RGL1: variants seen among roughly 807,000 people sequenced by gnomAD.
RGL1 encodes the protein ral guanine nucleotide dissociation stimulator-like 1.
Under a neutral mutation model 95.2 loss-of-function variants are expected in RGL1, and 24 were observed. The ratio of observed to expected loss-of-function variants is 0.25; its 90% CI spans 0.18 to 0.35. RGL1 has a LOEUF of 0.35. Ranked by LOEUF, RGL1 falls within the 10% of genes least tolerant of loss-of-function variation. The probability of loss-of-function intolerance (pLI) is 1.00; values close to 1 mark genes in which losing one functional copy is unlikely to be tolerated. For synonymous variants in RGL1, 329 were observed against 344.9 expected (o/e 0.95, Z 0.51); for missense variants, 715 against 936.3 (o/e 0.76, Z 3.08).
upstream of RGL1, among the ~76,000 whole-genome samples, chr1:183,804,004 T>C (rs1416855740): frequency 6.6e-6 from 1 of 152,262 alleles, no homozygotes; most frequent in Non-Finnish European, 1.5e-5. Flanking sequence ...GGGGATAACC[T>C]GGCTGAATGA....
intron 1 of RGL1, among the ~76,000 whole-genome samples, chr1:183,699,237 C>T (rs887388405): frequency 6.6e-6 from 1 of 152,228 alleles, no homozygotes; most frequent in Non-Finnish European, 1.5e-5. Flanking sequence ...TTACCCTGAA[C>T]AATGTTTTTA....
At position 183,916,621 on chromosome 1, in the gene RGL1, T is replaced by C; in HGVS notation, c.1924T>C (p.Tyr642His). 4 of 1,613,950 alleles carry C rather than the reference T, an allele frequency of 2.5e-6. No individual in the cohort carries two copies. The highest frequency in any genetic ancestry group is 3.4e-6 in the Non-Finnish European group (4 of 1,179,986). The change falls in exon 16 of 18, where the codon TAC (tyrosine) becomes CAC (histidine). Residue 642 changes from tyrosine to histidine, a missense_variant. Around this residue, in one of 3 missense-constraint regions of RGL1, gnomAD observed 330 missense variants for 429.6 expected, o/e 0.77. Coordinates refer to ENST00000360851, the MANE Select transcript of RGL1 (RefSeq NM_001297671.3). ...TACCTCGACTGTGCTGCCTCCTGTT[T>C]ACAACCAACAGAATGAAGACACCTG... ...SITSTVLPPV[Y>H]NQQNEDTCII...
Position 183,797,494 on chromosome 1 carries a change from T to G in RGL1, c.133-8881T>G, listed in dbSNP as rs1660758707. On this transcript the variant is annotated intron_variant, in intron 2 of 18. Transcript: ENST00000304685. ...AGGGCAGCCTCTTCTTTAGTTGTAATACGTCTGCCTAAAGTGGGCTTGTAA... is the reference window on the plus strand; with the variant it reads ...AGGGCAGCCTCTTCTTTAGTTGTAAGACGTCTGCCTAAAGTGGGCTTGTAA... Among the ~76,000 whole-genome samples the G allele has an allele frequency of 3.9e-5, 6 of 152,352 alleles. No homozygotes were observed. In the South Asian group the frequency reaches 1.2e-3, roughly 32 times the overall value.
At chr1:183,895,781 T>C (rs1285043116) in intron 9 of RGL1, among the ~76,000 whole-genome samples, 1 of 152,134 alleles carries the variant, frequency 6.6e-6, no homozygotes, top group African/African-American at 2.4e-5. Context: ...TGACACCTCA[T>C]TTGGAATAAT....
At chr1:183,752,415 C>T (rs777934641) in intron 2 of RGL1, among the ~76,000 whole-genome samples, 5 of 151,936 alleles carry the variant, frequency 3.3e-5, no homozygotes, top group Non-Finnish European at 4.4e-5. Flanking sequence ...TTAGTACAGA[C>T]GGGGTCTCAC....
chr1:183,870,764 CTT>C (rs1472087507), intron 4 of RGL1, among the ~76,000 whole-genome samples: 1 of 152,184 alleles, frequency 6.6e-6, no homozygotes, highest in Non-Finnish European at 1.5e-5. Context: ...GTGAAACTGT[CTT>C]TATGAATACC....
At chr1:183,886,099 A>AT (rs995817969) in intron 7 of RGL1, among the ~76,000 whole-genome samples, 1 of 151,938 alleles carries the variant, frequency 6.6e-6, no homozygotes, top group Non-Finnish European at 1.5e-5. Flanking sequence ...CCTTAAATAT[A>AT]TTTTTCCTTG....
intron 1 of RGL1, chr1:183,648,680 A>T (rs151221520): frequency 3.1e-6 from 5 of 1,614,198 alleles, no homozygotes; most frequent in Non-Finnish European, 4.2e-6. Flanking sequence ...CTGTTCGAAT[A>T]TGGTAAGGAC....
At chr1:183,912,445 T>C (rs192772910) in intron 15 of RGL1, among the ~76,000 whole-genome samples, 177 bp downstream of exon 15, 1 of 152,288 alleles carries the variant, frequency 6.6e-6, no homozygotes, top group Non-Finnish European at 1.5e-5. Flanking sequence ...TAGAAACAGG[T>C]GTAAAAGCAC....
At chr1:183,892,249 C>A in intron 9 of RGL1, 88 bp downstream of exon 9, 1 of 919,598 alleles carries the variant, frequency 1.1e-6, no homozygotes, top group Non-Finnish European at 1.6e-6. Context: ...TCCTTAAGTT[C>A]CTTCAACTCC....
chr1:183,776,141 A>ATTTTT (rs66738956), intron 2 of RGL1, among the ~76,000 whole-genome samples: 13 of 88,830 alleles, frequency 1.5e-4, no homozygotes, highest in Non-Finnish European at 2.1e-4. Context: ...GGGAATACAG[A>ATTTTT]TTTTTTTTTT....
At chr1:183,859,949 C>A (rs1032271051) in intron 3 of RGL1, among the ~76,000 whole-genome samples, 2 of 152,196 alleles carry the variant, frequency 1.3e-5, no homozygotes, top group African/African-American at 4.8e-5. Flanking sequence ...ACACTTCTTG[C>A]TGATCTGTGG....
chr1:183,727,789 A>G (rs1053673092), intron 1 of RGL1, among the ~76,000 whole-genome samples: 1 of 152,224 alleles, frequency 6.6e-6, no homozygotes, highest in African/African-American at 2.4e-5. Flanking sequence ...GCATTTCTAT[A>G]TATTAGCAAT....
At chr1:183,816,132 A>G (rs1186464317) in intron 2 of RGL1, among the ~76,000 whole-genome samples, 2 of 152,214 alleles carry the variant, frequency 1.3e-5, no homozygotes, top group East Asian at 3.8e-4. Context: ...AGACTGCATT[A>G]TTCCTCGGGC....
chr1:183,712,113 G>T (rs1655319523), intron 1 of RGL1, among the ~76,000 whole-genome samples: 1 of 152,222 alleles, frequency 6.6e-6, no homozygotes, highest in African/African-American at 2.4e-5. Flanking sequence ...CCAGTGAGGG[G>T]CTATGTTTGA....
intron 17 of RGL1, among the ~76,000 whole-genome samples, chr1:183,923,569 G>T (rs550328174): frequency 1.9e-4 from 29 of 152,170 alleles, no homozygotes; most frequent in Non-Finnish European, 3.7e-4. Flanking sequence ...CCAGGACCCA[G>T]TGTTGCCCAC....
intron 1 of RGL1, among the ~76,000 whole-genome samples, chr1:183,690,879 T>C (rs1009703775): frequency 6.6e-6 from 1 of 152,188 alleles, no homozygotes; most frequent in African/African-American, 2.4e-5. Context: ...GTGACTCAAG[T>C]TATTTTAATG....
chr1:183,725,113 G>A (rs6660434), intron 1 of RGL1, among the ~76,000 whole-genome samples: 27,245 of 152,126 alleles, frequency 0.18, 3,367 homozygotes, highest in African/African-American at 0.35. Context: ...AGATCATCAA[G>A]GCGGTACCTC....
chr1:183,649,970 C>G (rs1400888413), intron 1 of RGL1, among the ~76,000 whole-genome samples: 1 of 151,926 alleles, frequency 6.6e-6, no homozygotes, highest in Non-Finnish European at 1.5e-5. Context: ...TACCACCATG[C>G]CCAGATAATT....
Sources: gnomAD v4.1 joint callset for allele counts (sites outside exome capture counted in the v4.1 genomes callset) on GRCh38, gnomAD v4.1.1 for gene constraint, gnomAD v4.1.1 regional missense constraint, MANE v1.5 for transcripts, NCBI Gene and HGNC (gene_info 2026-07-23, HGNC 2026-07-21) for gene names.